The following HERPUD2 variants were observed in gnomAD, a reference collection of about 807,000 sequenced individuals.
HERPUD2 encodes homocysteine-responsive endoplasmic reticulum-resident ubiquitin-like domain member 2 protein.
HERPUD2 carries 13 observed loss-of-function variants against 49.9 expected under a neutral mutation model. The observed-to-expected ratio is 0.26, with a 90% confidence interval of 0.17 to 0.41. The LOEUF is 0.41. HERPUD2 is among the 10% of genes least tolerant of loss of function. HERPUD2 has a pLI of 1.00. For synonymous variants in HERPUD2, 172 were observed against 171.4 expected (o/e 1.00, Z -0.03); for missense variants, 449 against 492.2 (o/e 0.91, Z 0.83).
chr7:35,633,485 G>C lies in HERPUD2; in HGVS notation c.*205C>G. Reference sequence around the variant, plus strand: ...ATATTGTTACGCTATGTTCTGTTAGGATCTTTAAAAAAAAAAAAAAAAAAC... The same window carrying C: ...ATATTGTTACGCTATGTTCTGTTAGCATCTTTAAAAAAAAAAAAAAAAAAC... On this transcript the variant is annotated 3_prime_UTR_variant, in exon 9 of 9. Transcript: ENST00000311350. The C allele has an allele frequency of 2.5e-6, 1 of 402,446 alleles. No homozygotes were observed. Among genetic ancestry groups the C allele is most frequent in the East Asian group, 4.3e-5 (1 of 23,062 alleles). The allele number at this position is 402,446 out of a possible 1,614,324, so 24.9% of individuals were successfully genotyped here.
At chr7:35,665,425 G>A (rs1156644275) in intron 5 of HERPUD2, among the ~76,000 whole-genome samples, 1 of 152,240 alleles carries the variant, frequency 6.6e-6, no homozygotes, top group African/African-American at 2.4e-5. Context: ...GCCAGGCGCG[G>A]GATATAATCT....
chr7:35,687,599 T>C (rs1786091423), intron 2 of HERPUD2, among the ~76,000 whole-genome samples: 8 of 152,214 alleles, frequency 5.3e-5, no homozygotes, highest in Admixed American at 4.6e-4. Flanking sequence ...TAACAGACAT[T>C]GCTAAAAACC....
intron 5 of HERPUD2, among the ~76,000 whole-genome samples, chr7:35,656,498 G>C (rs1486491462): frequency 1.3e-5 from 2 of 152,038 alleles, no homozygotes; most frequent in Non-Finnish European, 2.9e-5. Context: ...AAAAGAGCCT[G>C]AACAGTGAAA....
At chr7:35,690,923 G>C (rs189448476) in intron 2 of HERPUD2, among the ~76,000 whole-genome samples, 3 of 152,078 alleles carry the variant, frequency 2.0e-5, no homozygotes, top group Non-Finnish European at 4.4e-5. Flanking sequence ...ATCTTTTCTT[G>C]AAACAGCTAC....
At chr7:35,662,572 G>A (rs953072701) in intron 5 of HERPUD2, among the ~76,000 whole-genome samples, 5 of 152,144 alleles carry the variant, frequency 3.3e-5, no homozygotes, top group African/African-American at 1.2e-4. Flanking sequence ...GGTCTATTCA[G>A]GGATTCAACT....
intron 2 of HERPUD2, among the ~76,000 whole-genome samples, chr7:35,683,947 T>C (rs1038668985): frequency 2.6e-5 from 4 of 152,214 alleles, no homozygotes; most frequent in Non-Finnish European, 5.9e-5. Context: ...GGAACACTTG[T>C]ACAATGCTGG....
chr7:35,687,246 C>T (rs1416924169), intron 2 of HERPUD2, among the ~76,000 whole-genome samples: 1 of 152,136 alleles, frequency 6.6e-6, no homozygotes, highest in African/African-American at 2.4e-5. Flanking sequence ...TCTAAACGTA[C>T]TAGTTAAATT....
intron 5 of HERPUD2, among the ~76,000 whole-genome samples, chr7:35,665,800 T>C (rs1785525449): frequency 6.6e-6 from 1 of 152,264 alleles, no homozygotes; most frequent in African/African-American, 2.4e-5. Context: ...TTGTCTTTTA[T>C]GTTTATTAAT....
intron 2 of HERPUD2, among the ~76,000 whole-genome samples, chr7:35,678,170 TAAG>T (rs1412130152): frequency 6.6e-6 from 1 of 151,898 alleles, no homozygotes; most frequent in Non-Finnish European, 1.5e-5. Context: ...TCATTATGCA[TAAG>T]AACATGATTT....
intron 5 of HERPUD2, among the ~76,000 whole-genome samples, chr7:35,648,310 G>T (rs1367153294): frequency 6.6e-6 from 1 of 152,122 alleles, no homozygotes; most frequent in African/African-American, 2.4e-5. Context: ...AAATATTTAT[G>T]GTAAAAGATC....
chr7:35,668,294 T>G (rs725471), intron 4 of HERPUD2, among the ~76,000 whole-genome samples: 4,529 of 152,258 alleles, frequency 0.03, 214 homozygotes, highest in African/African-American at 0.1. Context: ...AGAATCAAGA[T>G]GTTAATCAGT....
Position 35,694,333 on chromosome 7 carries a change from T to G in HERPUD2, c.-3A>C, listed in dbSNP as rs537074417. On this transcript the variant is annotated 5_prime_UTR_variant, in exon 2 of 9. Coordinates refer to ENST00000311350, the MANE Select transcript of HERPUD2 (RefSeq NM_022373.5). ...ATCTCCATCCCACTTTGGTCCATGG[T>G]GCCCCCAAAGTCAGACAGAGTCCAG... 1 of 1,614,118 alleles carries G rather than the reference T, an allele frequency of 6.2e-7. No individual in the cohort carries two copies. The highest frequency in any genetic ancestry group is 1.1e-5 in the South Asian group (1 of 91,074).
At chr7:35,649,341 CAG>C (rs1785117153) in intron 5 of HERPUD2, among the ~76,000 whole-genome samples, 1 of 151,174 alleles carries the variant, frequency 6.6e-6, no homozygotes. Flanking sequence ...ACAAAACAAA[CAG>C]TGTGATGTTT....
intron 5 of HERPUD2, among the ~76,000 whole-genome samples, chr7:35,651,454 T>C (rs1393078200): frequency 1.3e-5 from 2 of 151,994 alleles, no homozygotes; most frequent in Non-Finnish European, 2.9e-5. Flanking sequence ...CCTAAGACAC[T>C]GAGAAAATCA....
At chr7:35,666,456 T>A (rs1785538172) in intron 5 of HERPUD2, among the ~76,000 whole-genome samples, 1 of 152,236 alleles carries the variant, frequency 6.6e-6, no homozygotes, top group South Asian at 2.1e-4. Flanking sequence ...TAGCTACTCC[T>A]TGGTTACACC....
intron 3 of HERPUD2, among the ~76,000 whole-genome samples, chr7:35,670,870 T>G (rs1785628845): frequency 6.6e-6 from 1 of 152,116 alleles, no homozygotes; most frequent in Admixed American, 6.6e-5. Flanking sequence ...TATCCCATGT[T>G]TTTCCATAAA....
chr7:35,678,027 A>G (rs146267075), intron 2 of HERPUD2, among the ~76,000 whole-genome samples: 3 of 152,326 alleles, frequency 2.0e-5, no homozygotes, highest in African/African-American at 7.2e-5. Context: ...CACAAAGCCT[A>G]CTGAGTATTC....
At chr7:35,666,021 C>T (rs1312985697) in intron 5 of HERPUD2, among the ~76,000 whole-genome samples, 1 of 152,132 alleles carries the variant, frequency 6.6e-6, no homozygotes, top group Non-Finnish European at 1.5e-5. Flanking sequence ...ATACTCCCAC[C>T]TTCCACCACT....
intron 5 of HERPUD2, among the ~76,000 whole-genome samples, chr7:35,640,105 A>G (rs1249967569): frequency 6.6e-6 from 1 of 152,232 alleles, no homozygotes; most frequent in African/African-American, 2.4e-5. Context: ...AGAGAAAGCC[A>G]TACCACTGAG....
Sources: allele counts gnomAD v4.1 joint callset (sites outside exome capture counted in the v4.1 genomes callset), GRCh38; gene constraint gnomAD v4.1.1; transcripts MANE v1.5; gene names NCBI Gene and HGNC (gene_info 2026-07-23, HGNC 2026-07-21).